Variants in UBE2D3 observed in about 807,000 individuals in gnomAD.
UBE2D3 encodes the protein ubiquitin-conjugating enzyme E2 D3.
A neutral mutation model predicts 22.8 loss-of-function variants in UBE2D3; 2 were observed. The observed-to-expected ratio is 0.09, with a 90% CI of 0.04 to 0.28. The LOEUF (loss-of-function observed/expected upper bound fraction) is 0.28, where lower values mean the gene tolerates loss of function less well. Ranked by LOEUF, UBE2D3 falls within the 10% of genes least tolerant of loss-of-function variation. UBE2D3 has a pLI of 1.00. For missense variants in UBE2D3, 27 were observed against 182.5 expected, an observed-to-expected ratio of 0.15 and a Z score of 4.91; for synonymous variants, 56 against 60.4, an observed-to-expected ratio of 0.93 and a Z score of 0.34.
At chr4:102,798,649 T>G (rs1560839619) in intron 7 of UBE2D3, among the ~76,000 whole-genome samples, 1 of 151,120 alleles carries the variant, frequency 6.6e-6, no homozygotes, top group Non-Finnish European at 1.5e-5. Context: ...AGCTAAAATT[T>G]AAACACCATG....
At chr4:102,825,095 A>G (rs1730246906) in intron 2 of UBE2D3, 1 of 289,728 alleles carries the variant, frequency 3.5e-6, no homozygotes, top group African/African-American at 2.3e-5. Flanking sequence ...ATGAAACACC[A>G]ATCTTGCCAA....
intron 2 of UBE2D3, chr4:102,825,333 A>C (rs116463659): frequency 0.012 from 12,318 of 996,034 alleles, 80 homozygotes; most frequent in Non-Finnish European, 0.014. Flanking sequence ...ATTGTGCAAC[A>C]ACCAAACACA....
At chr4:102,797,826 T>C (rs557308192) in intron 7 of UBE2D3, among the ~76,000 whole-genome samples, 2 of 152,112 alleles carry the variant, frequency 1.3e-5, no homozygotes, top group Non-Finnish European at 2.9e-5. Context: ...ACACATTCTA[T>C]CTATCCACAG....
At chr4:102,834,877 C>G (rs930506270) in intron 1 of UBE2D3, among the ~76,000 whole-genome samples, 57 of 151,954 alleles carry the variant, frequency 3.8e-4, no homozygotes, top group African/African-American at 1.3e-3. Flanking sequence ...CTCCAGGGCT[C>G]AAGGAGTCCT....
At chr4:102,808,544 G>C (rs1289416049) in intron 4 of UBE2D3, among the ~76,000 whole-genome samples, 2 of 151,976 alleles carry the variant, frequency 1.3e-5, no homozygotes, top group Non-Finnish European at 2.9e-5. Context: ...TCTACCTTTA[G>C]GGCACTAACA....
rs1324363375 is a variant in UBE2D3 at position 102,794,670 on chromosome 4, A to T, written c.*2745T>A. 6.6e-6 allele frequency: 1 copy of T among 151,788 alleles called. No homozygotes were observed. The highest frequency in any genetic ancestry group is 2.4e-5 in the African/African-American group (1 of 41,358). The allele number at this position is 151,788 out of a possible 1,614,324, so 9.4% of individuals were successfully genotyped here. A position where few individuals can be genotyped will look rare whatever the true frequency, so the allele number is the denominator to read the frequency against. ...GCCATTTCAACAAACAAAAAAAAAC[A>T]AACAAAAAAAAAAGTGAGTGTTTCA... On this transcript the variant is annotated 3_prime_UTR_variant, in exon 8 of 8. Coordinates refer to ENST00000453744, the MANE Select transcript of UBE2D3 (RefSeq NM_181891.3).
At chr4:102,805,957 C>G (rs528692143) in intron 4 of UBE2D3, among the ~76,000 whole-genome samples, 48 of 152,270 alleles carry the variant, frequency 3.2e-4, no homozygotes, top group Admixed American at 1.7e-3. Context: ...CAAGTAAGAT[C>G]TTTAAAATTT....
intron 1 of UBE2D3, among the ~76,000 whole-genome samples, chr4:102,864,592 A>G (rs529457184): frequency 6.6e-6 from 1 of 152,372 alleles, no homozygotes; most frequent in Non-Finnish European, 1.5e-5. Flanking sequence ...GTATCTAGTC[A>G]TAACCACTGG....
At chr4:102,830,551 C>T (rs1731064770), upstream of UBE2D3, among the ~76,000 whole-genome samples, 1 of 152,240 alleles carries the variant, frequency 6.6e-6, no homozygotes, top group African/African-American at 2.4e-5. Flanking sequence ...TGACATAAAA[C>T]ATGAGAAAAT....
At chr4:102,828,756 G>A (rs1730933960), upstream of UBE2D3, among the ~76,000 whole-genome samples, 1 of 152,194 alleles carries the variant, frequency 6.6e-6, no homozygotes, top group Non-Finnish European at 1.5e-5. Flanking sequence ...TGGGAGGTGG[G>A]ATTTACCTCA....
At chr4:102,857,786 C>T (rs1047625425) in intron 1 of UBE2D3, among the ~76,000 whole-genome samples, 14 of 152,084 alleles carry the variant, frequency 9.2e-5, no homozygotes, top group Admixed American at 2.6e-4. Flanking sequence ...CTCTGCCTCC[C>T]GGGTTCAAGC....
At chr4:102,844,617 G>A (rs941096539) in intron 1 of UBE2D3, among the ~76,000 whole-genome samples, 1 of 152,156 alleles carries the variant, frequency 6.6e-6, no homozygotes, top group Non-Finnish European at 1.5e-5. Context: ...CCACAGCCAG[G>A]CCAAGATTCC....
chr4:102,802,937 C>A (rs906232937), intron 4 of UBE2D3, among the ~76,000 whole-genome samples: 1 of 152,078 alleles, frequency 6.6e-6, no homozygotes, highest in Admixed American at 6.5e-5. Flanking sequence ...AGCAATAAAG[C>A]CTACATAATC....
chr4:102,859,961 T>G (rs1732803775), intron 1 of UBE2D3, among the ~76,000 whole-genome samples: 1 of 151,928 alleles, frequency 6.6e-6, no homozygotes, highest in South Asian at 2.1e-4. Flanking sequence ...TTCTCCTGCC[T>G]CAGCCTCCTG....
At chr4:102,868,086 T>TTTC (rs1209854886) in intron 1 of UBE2D3, among the ~76,000 whole-genome samples, 3 of 149,092 alleles carry the variant, frequency 2.0e-5, no homozygotes, top group South Asian at 4.3e-4. Flanking sequence ...TTTTTTTTTT[T>TTTC]TTTTGTGACG....
intron 2 of UBE2D3, chr4:102,810,967 T>A (rs1727882325): frequency 6.6e-6 from 1 of 152,176 alleles, no homozygotes. Flanking sequence ...GTACACCCAT[T>A]AAGTCTAGGG....
rs141165875 is a variant in UBE2D3 at position 102,826,131 on chromosome 4, G to A, written c.24+354C>T. On this transcript the variant is annotated intron_variant, in intron 2 of 7. Coordinates refer to ENST00000453744, the MANE Select transcript of UBE2D3 (RefSeq NM_181891.3). Reference sequence around the variant, plus strand: ...TTTTCAAGCACCAAGAATAGGAAGCGCCATGACATCTGCTGGAGCGTCTCT... The same window carrying A: ...TTTTCAAGCACCAAGAATAGGAAGCACCATGACATCTGCTGGAGCGTCTCT... Among the ~76,000 whole-genome samples the A allele has an allele frequency of 2.4e-3, 368 of 152,042 alleles. 1 individual carries two copies. The highest frequency in any genetic ancestry group is 8.1e-3 in the African/African-American group (337 of 41,466).
chr4:102,814,546 G>A (rs907911269), intron 2 of UBE2D3, among the ~76,000 whole-genome samples: 36 of 147,552 alleles, frequency 2.4e-4, no homozygotes, highest in African/African-American at 8.5e-4. Context: ...CAAGTGATCC[G>A]CCTGCCTCGG....
chr4:102,849,812 G>C (rs1226438077), intron 1 of UBE2D3, among the ~76,000 whole-genome samples: 2 of 152,168 alleles, frequency 1.3e-5, no homozygotes, highest in Non-Finnish European at 2.9e-5. Context: ...GTGAAACTTT[G>C]TCACACTGTT....
Sources: allele counts gnomAD v4.1 joint callset (sites outside exome capture counted in the v4.1 genomes callset), GRCh38; gene constraint gnomAD v4.1.1; transcripts MANE v1.5; gene names NCBI Gene and HGNC (gene_info 2026-07-23, HGNC 2026-07-21).